The following FBN1 variants were observed in gnomAD, a reference collection of about 807,000 sequenced individuals.
The protein encoded by FBN1 is fibrillin-1.
Under a neutral mutation model 365.1 loss-of-function variants are expected in FBN1, and 29 were observed. That is an observed-to-expected ratio of 0.08 (90% CI 0.06 to 0.11). FBN1 has a LOEUF of 0.11. Among genes scored for constraint, FBN1 ranks in the 10% least tolerant of loss-of-function variants. The pLI, the probability that FBN1 is intolerant of heterozygous loss-of-function variation, is 1.00. For missense variants in FBN1, 2,476 were observed against 3,703.2 expected, an observed-to-expected ratio of 0.67 and a Z score of 8.60; for synonymous variants, 1,210 against 1,270.5, an observed-to-expected ratio of 0.95 and a Z score of 1.01.
chr15:48,421,650 C>G lies in FBN1; in HGVS notation c.7607G>C (p.Gly2536Ala). 1 of 1,613,854 alleles carries G rather than the reference C, an allele frequency of 6.2e-7. No individual in the cohort carries two copies. The highest frequency in any genetic ancestry group is 1.1e-5 in the South Asian group (1 of 90,952). ...AGTGTTCTGGCAAATGCCCTTAGAC[C>G]CGCACAGATTGATGTCAGAGGTGCA... ...NECTSDINLC[G>A]SKGICQNTPG... The change falls in exon 62 of 66, where the codon GGG (glycine) becomes GCG (alanine). Residue 2536 changes from glycine (G) to alanine (A), a missense_variant. Coordinates refer to ENST00000316623, the MANE Select transcript of FBN1 (RefSeq NM_000138.5).
intron 6 of FBN1, among the ~76,000 whole-genome samples, chr15:48,542,735 C>T (rs2044066309): frequency 6.6e-6 from 1 of 150,664 alleles, no homozygotes; most frequent in Non-Finnish European, 1.5e-5. Context: ...GCATATACGT[C>T]TTGCAAAAGC....
chr15:48,580,957 C>T (rs909148696), intron 6 of FBN1, among the ~76,000 whole-genome samples: 2 of 152,074 alleles, frequency 1.3e-5, no homozygotes, highest in African/African-American at 4.8e-5. Flanking sequence ...CAGACAAGAG[C>T]CAAACACCAA....
intron 2 of FBN1, among the ~76,000 whole-genome samples, chr15:48,628,917 G>C (rs1031435278): frequency 1.3e-5 from 2 of 152,138 alleles, no homozygotes; most frequent in Non-Finnish European, 2.9e-5. Flanking sequence ...TGAAAAAAAA[G>C]TTAATTGAGT....
intron 6 of FBN1, among the ~76,000 whole-genome samples, chr15:48,588,242 T>A (rs2044451412): frequency 2.6e-5 from 4 of 152,154 alleles, no homozygotes. Context: ...ATACTGAGTA[T>A]CTATTGACAT....
chr15:48,530,678 G>A (rs532019512), intron 8 of FBN1, among the ~76,000 whole-genome samples: 28 of 152,138 alleles, frequency 1.8e-4, no homozygotes, highest in African/African-American at 5.3e-4. Context: ...GGGTTAAGCC[G>A]CCCCGGGAAT....
At chr15:48,618,861 C>A (rs1284941627) in intron 2 of FBN1, among the ~76,000 whole-genome samples, 1 of 152,078 alleles carries the variant, frequency 6.6e-6, no homozygotes, top group African/African-American at 2.4e-5. Flanking sequence ...TCTAGGTTGC[C>A]CACTCCTTAT....
chr15:48,489,048 C>CT (rs1392896403), intron 25 of FBN1, among the ~76,000 whole-genome samples: 3 of 151,554 alleles, frequency 2.0e-5, no homozygotes, highest in Non-Finnish European at 4.4e-5. Flanking sequence ...GTCTTTCTTT[C>CT]TTTTTTTGAG....
intron 60 of FBN1, among the ~76,000 whole-genome samples, chr15:48,424,558 A>G (rs891812719): frequency 6.6e-6 from 1 of 151,784 alleles, no homozygotes; most frequent in African/African-American, 2.4e-5. Context: ...AATAGGAAAA[A>G]GACTCCACTC....
intron 62 of FBN1, among the ~76,000 whole-genome samples, 186 bp downstream of exon 62, chr15:48,421,372 C>T (rs1183498520): frequency 6.6e-6 from 1 of 151,630 alleles, no homozygotes; most frequent in Admixed American, 6.6e-5. Context: ...GTGTGTTAGA[C>T]ACAATCAAGC....
Position 48,481,665 on chromosome 15 carries a change from A to G in FBN1, c.3954T>C (p.Thr1318=), listed in dbSNP as rs1253783904. 1.9e-6 allele frequency: 3 copies of G among 1,613,646 alleles called. No individual in the cohort carries two copies. The highest frequency in any genetic ancestry group is 2.5e-6 in the Non-Finnish European group (3 of 1,179,738). The part of the protein sequence containing the change: ...DMGYSGKKGK[T]GCTDINECEI... ...CTTGAACAAACACACCTGTACAGCC[A>G]GTTTTTCCTTTTTTGCCGGAGTAGC... The change falls in exon 32 of 66, where the codon ACT becomes ACC. Residue 1318 remains threonine (T), a synonymous_variant. Coordinates refer to ENST00000316623, the MANE Select transcript of FBN1 (RefSeq NM_000138.5).
Position 48,629,615 on chromosome 15 carries a change from T to A in FBN1, c.164+14991A>T, listed in dbSNP as rs1889948099. On this transcript the variant is annotated intron_variant, in intron 2 of 65. Coordinates refer to ENST00000316623, the MANE Select transcript of FBN1 (RefSeq NM_000138.5). ...GGACACACATTGAAATATTTAAAAG[T>A]AAAATGATTTTTCAAGGATTTACTT... Among the ~76,000 whole-genome samples the A allele has an allele frequency of 3.3e-5, 5 of 152,150 alleles. No individual in the cohort carries two copies. In the South Asian group the frequency reaches 6.2e-4, roughly 19 times the overall value.
At chr15:48,618,075 T>A (rs1323677901) in intron 2 of FBN1, among the ~76,000 whole-genome samples, 1 of 152,110 alleles carries the variant, frequency 6.6e-6, no homozygotes, top group African/African-American at 2.4e-5. Flanking sequence ...CTTTTTTTTT[T>A]AACCTTTAAG....
chr15:48,429,725 A>G (rs1345243465), intron 56 of FBN1, among the ~76,000 whole-genome samples: 1 of 152,212 alleles, frequency 6.6e-6, no homozygotes, highest in Non-Finnish European at 1.5e-5. Context: ...ATTAATCTAC[A>G]TATTTTCTGA....
rs780993677 is a variant in FBN1, at chr15:48,463,126, C to T, written c.5180G>A (p.Arg1727Gln). Reference protein sequence around the residue: ...KMCCCSYNIGRAWNKPCEQCP... With the variant: ...KMCCCSYNIGQAWNKPCEQCP... ...CTGTTCACAGGGCTTGTTCCACGCC[C>T]GGCCAATGTTGTAGGAACAGCAGCA... The change falls in exon 42 of 66, where the codon CGG becomes CAG. Residue 1727 changes from arginine to glutamine, a missense_variant. Transcript: ENST00000316623. 4.3e-6 allele frequency: 7 copies of T among 1,613,948 alleles called. No individual in the cohort carries two copies. The highest frequency in any genetic ancestry group is 2.7e-5 in the African/African-American group (2 of 74,900).
intron 2 of FBN1, among the ~76,000 whole-genome samples, chr15:48,632,311 C>T (rs1003159536): frequency 7.9e-5 from 12 of 152,104 alleles, no homozygotes; most frequent in African/African-American, 2.9e-4. Flanking sequence ...TTTGCTTTAG[C>T]CATAAAAAAC....
At chr15:48,524,619 T>C (rs1372080304) in intron 9 of FBN1, among the ~76,000 whole-genome samples, 1 of 151,790 alleles carries the variant, frequency 6.6e-6, no homozygotes, top group African/African-American at 2.4e-5. Context: ...CAAGAAAGAG[T>C]GAACTGCATC....
chr15:48,543,722 A>G (rs2044075620), intron 6 of FBN1, among the ~76,000 whole-genome samples: 1 of 152,182 alleles, frequency 6.6e-6, no homozygotes, highest in Non-Finnish European at 1.5e-5. Flanking sequence ...TAAAAATCAT[A>G]ATAATCAAAA....
At chr15:48,554,228 T>C (rs1355913582) in intron 6 of FBN1, among the ~76,000 whole-genome samples, 1 of 152,168 alleles carries the variant, frequency 6.6e-6, no homozygotes, top group Non-Finnish European at 1.5e-5. Context: ...GGAACGACAA[T>C]CTACATCTTT....
intron 6 of FBN1, among the ~76,000 whole-genome samples, chr15:48,562,254 G>A (rs1164445887): frequency 6.6e-6 from 1 of 152,118 alleles, no homozygotes; most frequent in East Asian, 1.9e-4. Flanking sequence ...TGTGATGCTG[G>A]GACATCTTCA....
Sources: allele counts gnomAD v4.1 joint callset (sites outside exome capture counted in the v4.1 genomes callset), GRCh38; gene constraint gnomAD v4.1.1; transcripts MANE v1.5; gene names NCBI Gene and HGNC (gene_info 2026-07-23, HGNC 2026-07-21).